Variants in PTN observed in about 807,000 individuals in gnomAD.
PTN encodes pleiotrophin.
In PTN, 18 loss-of-function variants were observed where a neutral mutation model predicts 24.1. The ratio of observed to expected loss-of-function variants is 0.75; its 90% CI spans 0.52 to 1.11. The LOEUF is 1.11. Among genes scored for constraint, PTN ranks in the 50% least tolerant of loss-of-function variants. The probability of loss-of-function intolerance (pLI) is 0.00; values close to 1 mark genes in which losing one functional copy is unlikely to be tolerated. For missense variants in PTN, 163 were observed against 198.8 expected (o/e 0.82, Z 1.08); for synonymous variants, 78 against 68.6 (o/e 1.14, Z -0.67).
At chr7:137,243,542 C>G (rs150518236) in intron 4 of PTN, among the ~76,000 whole-genome samples, 153 of 152,304 alleles carry the variant, frequency 1.0e-3, no homozygotes, top group African/African-American at 3.5e-3. Flanking sequence ...TCACTACATG[C>G]CATGCAAGAC....
intron 1 of PTN, among the ~76,000 whole-genome samples, chr7:137,268,439 T>TA (rs899921093): frequency 5.9e-5 from 9 of 151,590 alleles, no homozygotes; most frequent in Admixed American, 5.9e-4. Flanking sequence ...CCTAGCGTCT[T>TA]AAAATCTGAG....
intron 1 of PTN, among the ~76,000 whole-genome samples, chr7:137,262,395 C>A (rs1258908106): frequency 6.6e-6 from 1 of 152,050 alleles, no homozygotes; most frequent in African/African-American, 2.4e-5. Flanking sequence ...CATTCTAATT[C>A]TTTCCCAGTT....
intron 1 of PTN, among the ~76,000 whole-genome samples, chr7:137,294,352 G>A (rs766786442): frequency 6.6e-6 from 1 of 152,118 alleles, no homozygotes; most frequent in Admixed American, 6.6e-5. Context: ...AGCCCACACA[G>A]GAGTACACTG....
intron 1 of PTN, among the ~76,000 whole-genome samples, chr7:137,335,521 A>G (rs893417696): frequency 1.3e-5 from 2 of 152,182 alleles, no homozygotes; most frequent in African/African-American, 4.8e-5. Flanking sequence ...TTATTAAGCT[A>G]TGGACATCAT....
intron 4 of PTN, among the ~76,000 whole-genome samples, chr7:137,235,150 T>C (rs900589851): frequency 1.3e-5 from 2 of 152,014 alleles, no homozygotes; most frequent in African/African-American, 4.8e-5. Flanking sequence ...AAGGATCATA[T>C]CCCTGTCAAA....
intron 1 of PTN, among the ~76,000 whole-genome samples, chr7:137,328,154 C>T (rs1168471034): frequency 6.6e-6 from 1 of 152,140 alleles, no homozygotes. Flanking sequence ...ATTAAAGACC[C>T]TTTTAAAAAT....
intron 1 of PTN, among the ~76,000 whole-genome samples, chr7:137,259,619 T>C (rs1808998162): frequency 6.6e-6 from 1 of 150,540 alleles, no homozygotes. Context: ...GCTTTTTTTA[T>C]TAAAAAAATA....
At chr7:137,315,043 T>C (rs528665054) in intron 1 of PTN, among the ~76,000 whole-genome samples, 48 of 152,276 alleles carry the variant, frequency 3.2e-4, no homozygotes, top group African/African-American at 1.1e-3. Context: ...CACACAGAAA[T>C]TGGTAGCCAG....
At chr7:137,270,436 T>C (rs1441881048) in intron 1 of PTN, among the ~76,000 whole-genome samples, 1 of 152,242 alleles carries the variant, frequency 6.6e-6, no homozygotes, top group Admixed American at 6.5e-5. Flanking sequence ...CCAGAAATAA[T>C]TTTATTTTAG....
At chr7:137,279,315 T>C (rs1286071448) in intron 1 of PTN, among the ~76,000 whole-genome samples, 1 of 152,206 alleles carries the variant, frequency 6.6e-6, no homozygotes, top group Non-Finnish European at 1.5e-5. Context: ...AAAAATCGCA[T>C]GGTCATCTAA....
At position 137,244,774 on chromosome 7, in the gene PTN, G is replaced by A. The variant is rs188386653; in HGVS notation, c.451+6456C>T. 6.9e-3 allele frequency among the ~76,000 whole-genome samples: 1,056 copies of A among 152,124 alleles called. 11 individuals are homozygous for A. Among genetic ancestry groups the A allele is most frequent in the South Asian group, 0.037 (177 of 4,818 alleles). Reference sequence around the variant, plus strand: ...AATTGCAGACTGAGGCTAGAGTGTGGAATCTGTTCAACATTGACATAGCAA... The same window carrying A: ...AATTGCAGACTGAGGCTAGAGTGTGAAATCTGTTCAACATTGACATAGCAA... On this transcript the variant is annotated intron_variant, in intron 4 of 4. Transcript: ENST00000348225.
At chr7:137,278,908 T>C (rs917203861) in intron 1 of PTN, among the ~76,000 whole-genome samples, 9 of 149,604 alleles carry the variant, frequency 6.0e-5, no homozygotes, top group Non-Finnish European at 1.3e-4. Flanking sequence ...ACCATTGCAC[T>C]CCAGCCTGGG....
chr7:137,253,748 G>A (rs1015636385), intron 2 of PTN, 111 bp from the exon 3 acceptor site: 4 of 951,830 alleles, frequency 4.2e-6, no homozygotes, highest in Non-Finnish European at 5.8e-6. Flanking sequence ...TTTTTAATCT[G>A]TATCCTTATT....
At chr7:137,338,509 G>A (rs1327837816) in intron 1 of PTN, among the ~76,000 whole-genome samples, 1 of 152,178 alleles carries the variant, frequency 6.6e-6, no homozygotes, top group Non-Finnish European at 1.5e-5. Flanking sequence ...AGCCTTTTGT[G>A]AGCTCCACTT....
At chr7:137,301,322 TA>T (rs1205203314) in intron 1 of PTN, among the ~76,000 whole-genome samples, 1 of 151,814 alleles carries the variant, frequency 6.6e-6, no homozygotes, top group Admixed American at 6.6e-5. Context: ...CAGGAAATGG[TA>T]GACAGCGTAG....
chr7:137,333,915 A>T (rs1403658609), intron 1 of PTN, among the ~76,000 whole-genome samples: 9 of 152,194 alleles, frequency 5.9e-5, no homozygotes, highest in South Asian at 2.1e-4. Flanking sequence ...GATCTTTGAC[A>T]AACCTGAGAA....
At chr7:137,273,554 T>C (rs1030360763) in intron 1 of PTN, among the ~76,000 whole-genome samples, 1 of 152,110 alleles carries the variant, frequency 6.6e-6, no homozygotes, top group Non-Finnish European at 1.5e-5. Context: ...ACTGGATACT[T>C]ATGAAAACTC....
chr7:137,270,831 G>A (rs1809260829), intron 1 of PTN, among the ~76,000 whole-genome samples: 1 of 152,160 alleles, frequency 6.6e-6, no homozygotes, highest in Admixed American at 6.5e-5. Context: ...CATAAAGAGT[G>A]ACCCAAGGAG....
At chr7:137,231,152 C>A (rs1239820431) in intron 4 of PTN, among the ~76,000 whole-genome samples, 3 of 151,892 alleles carry the variant, frequency 2.0e-5, no homozygotes, top group Non-Finnish European at 4.4e-5. Flanking sequence ...AGTTTCTACT[C>A]TCTGTTGTAC....
Sources: gnomAD v4.1 joint callset for allele counts (sites outside exome capture counted in the v4.1 genomes callset) on GRCh38, gnomAD v4.1.1 for gene constraint, MANE v1.5 for transcripts, NCBI Gene and HGNC (gene_info 2026-07-23, HGNC 2026-07-21) for gene names.